Variants in PLA2R1 observed in about 807,000 individuals in gnomAD.
The protein encoded by PLA2R1 is secretory phospholipase A2 receptor.
PLA2R1 carries 158 observed loss-of-function variants against 195.9 expected under a neutral mutation model. The ratio of observed to expected loss-of-function variants is 0.81; its 90% CI spans 0.71 to 0.92. The LOEUF (loss-of-function observed/expected upper bound fraction) is 0.92, where lower values mean the gene tolerates loss of function less well. Among genes scored for constraint, PLA2R1 ranks in the 40% least tolerant of loss-of-function variants. The probability of loss-of-function intolerance (pLI) is 0.00; values close to 1 mark genes in which losing one functional copy is unlikely to be tolerated. For missense variants in PLA2R1, 1,626 were observed against 1,764.6 expected (o/e 0.92, Z 1.41); for synonymous variants, 586 against 598.2 (o/e 0.98, Z 0.30).
intron 1 of PLA2R1, among the ~76,000 whole-genome samples, chr2:160,047,939 T>A (rs548570957): frequency 1.3e-5 from 2 of 152,160 alleles, no homozygotes; most frequent in Admixed American, 1.3e-4. Context: ...GATCCTCCCA[T>A]CTCAGCCTCC....
rs368059510 is a variant in PLA2R1 at position 159,941,908 on chromosome 2, T to C, written c.4262A>G (p.Tyr1421Cys). The change falls in exon 30 of 30, where the codon TAC becomes TGC. Residue 1421 changes from tyrosine (Y) to cysteine (C), a missense_variant. Physicochemically the swap from Tyr to Cys is radical, Grantham distance 194. Coordinates refer to ENST00000283243, the MANE Select transcript of PLA2R1 (RefSeq NM_007366.5). ...CCTGAAGAAGCCACCGTTATGCTTGTATATGCAGAAGGAAAGTGTGCAAAT... is the reference window on the plus strand; with the variant it reads ...CCTGAAGAAGCCACCGTTATGCTTGCATATGCAGAAGGAAAGTGTGCAAAT... ...VAICTLSFCIYKHNGGFFRRL... is the reference protein window; with the variant it reads ...VAICTLSFCICKHNGGFFRRL... 7 of 1,613,778 alleles carry C rather than the reference T, an allele frequency of 4.3e-6. No homozygotes were observed. Among genetic ancestry groups the C allele is most frequent in the African/African-American group, 4.0e-5 (3 of 74,900 alleles).
chr2:159,946,807 C>T lies in PLA2R1; in HGVS notation c.3961G>A (p.Gly1321Ser). 2 of 1,606,020 alleles carry T rather than the reference C, an allele frequency of 1.2e-6. No homozygotes were observed. The highest frequency in any genetic ancestry group is 1.7e-6 in the Non-Finnish European group (2 of 1,177,564). Residue 1321 changes from glycine to serine, a missense_variant, in exon 27 of 30, where the codon GGT (glycine) becomes AGT (serine). Gly to Ser is a moderately conservative substitution (Grantham distance 56, BLOSUM62 0). Transcript: ENST00000283243. Reference protein sequence around the residue: ...QMVWLNAQFDGNNETIKWFDG... With the variant: ...QMVWLNAQFDSNNETIKWFDG... ...CTCTACCCAAATCACTTACTGTTAC[C>T]ATCAAATTGAGCATTCAACCAAACC... is the stretch of plus-strand genomic sequence containing the variant.
At chr2:160,020,347 C>T in intron 7 of PLA2R1, 84 bp from the exon 8 acceptor site, 1 of 787,478 alleles carries the variant, frequency 1.3e-6, no homozygotes, top group Non-Finnish European at 2.1e-6. Context: ...TAAAATATAC[C>T]ACTTCACATG....
intron 20 of PLA2R1, among the ~76,000 whole-genome samples, chr2:159,967,197 G>GCA (rs911918286): frequency 6.6e-6 from 1 of 151,830 alleles, no homozygotes; most frequent in African/African-American, 2.4e-5. Context: ...ACGCACATGA[G>GCA]CACACACACA....
intron 1 of PLA2R1, 63 bp downstream of exon 1, chr2:160,062,232 C>T: frequency 7.8e-7 from 1 of 1,279,862 alleles, no homozygotes; most frequent in Non-Finnish European, 1.0e-6. Flanking sequence ...TCTTCCTCTC[C>T]TTCGACCACC....
At chr2:159,980,321 A>G (rs961451067) in intron 13 of PLA2R1, among the ~76,000 whole-genome samples, 2 of 152,232 alleles carry the variant, frequency 1.3e-5, no homozygotes, top group African/African-American at 4.8e-5. Flanking sequence ...AAAGCCTTTC[A>G]GTCAGGACAA....
chr2:160,010,824 T>C (rs1419853473), intron 10 of PLA2R1, among the ~76,000 whole-genome samples: 1 of 152,192 alleles, frequency 6.6e-6, no homozygotes, highest in African/African-American at 2.4e-5. Flanking sequence ...TTTCTTCAAC[T>C]CATGAGTCCT....
intron 3 of PLA2R1, among the ~76,000 whole-genome samples, chr2:160,040,799 T>G (rs1317267443): frequency 6.6e-6 from 1 of 152,236 alleles, no homozygotes; most frequent in African/African-American, 2.4e-5. Flanking sequence ...CAGAAGTGTA[T>G]GCTGAAAATA....
intron 3 of PLA2R1, among the ~76,000 whole-genome samples, chr2:160,039,160 C>T (rs1694366361): frequency 6.6e-6 from 1 of 152,034 alleles, no homozygotes; most frequent in Admixed American, 6.5e-5. Context: ...GCCACTGTGC[C>T]CAGCCTAAAT....
intron 14 of PLA2R1, 37 bp from the exon 15 acceptor site, chr2:159,977,453 T>TC (rs1472764965): frequency 1.2e-6 from 2 of 1,603,102 alleles, no homozygotes; most frequent in Non-Finnish European, 1.7e-6. Context: ...TTAATGATGA[T>TC]CCCCCCACAA....
At chr2:159,981,787 G>GT (rs1377539404) in intron 13 of PLA2R1, among the ~76,000 whole-genome samples, 5 of 152,092 alleles carry the variant, frequency 3.3e-5, no homozygotes, top group African/African-American at 1.2e-4. Context: ...ATACCTCACT[G>GT]TAACTTTGAA....
intron 11 of PLA2R1, among the ~76,000 whole-genome samples, chr2:159,996,322 G>GT (rs930803150): frequency 1.2e-4 from 19 of 152,132 alleles, no homozygotes; most frequent in African/African-American, 4.1e-4. Flanking sequence ...AGAATCCTAG[G>GT]TTGGAGGGCT....
chr2:160,014,230 CTTTCTTTTTTTT>C (rs1355632218), intron 9 of PLA2R1, among the ~76,000 whole-genome samples: 3 of 99,050 alleles, frequency 3.0e-5, no homozygotes, highest in East Asian at 3.8e-4. Context: ...TTTTCTTTTT[CTTTCTTTTTTTT>C]TTTTTTTGTA....
intron 11 of PLA2R1, among the ~76,000 whole-genome samples, chr2:159,998,307 T>TA (rs1290234574): frequency 2.0e-5 from 3 of 152,184 alleles, no homozygotes; most frequent in African/African-American, 7.2e-5. Flanking sequence ...TAATATTTCT[T>TA]TTAATCCTCA....
At chr2:160,049,643 G>A (rs1459881614) in intron 1 of PLA2R1, among the ~76,000 whole-genome samples, 2 of 151,888 alleles carry the variant, frequency 1.3e-5, no homozygotes, top group Non-Finnish European at 2.9e-5. Context: ...TAAGGCAGGC[G>A]AATCACTTGA....
intron 27 of PLA2R1, chr2:159,946,228 T>C (rs1386369931): frequency 1.0e-6 from 1 of 970,054 alleles, no homozygotes; most frequent in Admixed American, 6.2e-5. Flanking sequence ...ATTAAAATAC[T>C]CCTCCTCGAA....
intron 1 of PLA2R1, among the ~76,000 whole-genome samples, chr2:160,049,555 A>G (rs1452869655): frequency 1.3e-5 from 2 of 152,230 alleles, no homozygotes; most frequent in Non-Finnish European, 2.9e-5. Context: ...CAAAGAAAAC[A>G]TTATAATTGC....
At position 159,951,418 on chromosome 2, in the gene PLA2R1, G is replaced by C; in HGVS notation, c.3462C>G (p.Asp1154Glu). The change falls in exon 24 of 30, where the codon GAC becomes GAG. Residue 1154 changes from aspartate to glutamate, a missense_variant. Physicochemically the swap from Asp to Glu is conservative, Grantham distance 45. Coordinates refer to ENST00000283243, the MANE Select transcript of PLA2R1 (RefSeq NM_007366.5). ...CAGTGAGGAAGGACTGGTGATACTG[G>C]TCTGTGATGCTGACCAGTTGTGCTT... ...MHKAQLVSITDQYHQSFLTVV... is the reference protein window; with the variant it reads ...MHKAQLVSITEQYHQSFLTVV... 6.2e-7 allele frequency: 1 copy of C among 1,613,884 alleles called. No homozygotes were observed. Among genetic ancestry groups the C allele is most frequent in the African/African-American group, 1.3e-5 (1 of 75,010 alleles).
intron 11 of PLA2R1, among the ~76,000 whole-genome samples, chr2:160,002,104 T>C (rs1268450032): frequency 3.3e-5 from 5 of 151,772 alleles, no homozygotes; most frequent in Non-Finnish European, 7.4e-5. Flanking sequence ...AAACAAACCG[T>C]ATTTCTTGAC....
Sources: allele counts gnomAD v4.1 joint callset (sites outside exome capture counted in the v4.1 genomes callset), GRCh38; gene constraint gnomAD v4.1.1; transcripts MANE v1.5; gene names NCBI Gene and HGNC (gene_info 2026-07-23, HGNC 2026-07-21).